The following RLN2 variants were observed in gnomAD, a reference collection of about 807,000 sequenced individuals.
RLN2 encodes the protein prorelaxin H2.
In RLN2, 10 loss-of-function variants were observed where a neutral mutation model predicts 7.3. That is an observed-to-expected ratio of 1.36 (90% CI 0.84 to 2.31). RLN2 has a LOEUF of 2.31. Among genes scored for constraint, RLN2 ranks in the 30% most tolerant of loss-of-function variants. The pLI is 0.00. For missense variants in RLN2, 298 were observed against 217.6 expected (o/e 1.37, Z -2.32); for synonymous variants, 103 against 82.3 (o/e 1.25, Z -1.36).
chr9:5,315,418 A>G, the RLN2 span, among the ~76,000 whole-genome samples: 1 of 151,844 alleles, frequency 6.6e-6, no homozygotes, highest in Admixed American at 6.6e-5. Flanking sequence ...GAAAAAAAAA[A>G]ACGAAAAGTG....
chr9:5,337,124 T>C, the RLN2 span, among the ~76,000 whole-genome samples: 7 of 152,090 alleles, frequency 4.6e-5, no homozygotes, highest in Non-Finnish European at 1.0e-4. Flanking sequence ...TGACAGGTTT[T>C]GGCATTTTCC....
At chr9:5,327,774 CT>C in the RLN2 span, among the ~76,000 whole-genome samples, 1 of 152,002 alleles carries the variant, frequency 6.6e-6, no homozygotes, top group Admixed American at 6.5e-5. Flanking sequence ...CAAATAGGTT[CT>C]AGAGTGGACT....
At chr9:5,332,072 A>C in the RLN2 span, among the ~76,000 whole-genome samples, 1 of 152,034 alleles carries the variant, frequency 6.6e-6, no homozygotes, top group African/African-American at 2.4e-5. Flanking sequence ...TAAAAAATTT[A>C]GTGTATACTC....
the RLN2 span, among the ~76,000 whole-genome samples, chr9:5,332,676 G>A: frequency 6.0e-5 from 9 of 150,920 alleles, no homozygotes; most frequent in African/African-American, 2.2e-4. Context: ...AAGCTGCAGT[G>A]CAATGGCGCA....
upstream of RLN2, among the ~76,000 whole-genome samples, chr9:5,309,288 C>T (rs550763873): frequency 4.6e-5 from 7 of 152,146 alleles, no homozygotes; most frequent in East Asian, 3.9e-4. Context: ...CTCTGCTCAG[C>T]GTTGATAGAA....
intron 1 of RLN2, among the ~76,000 whole-genome samples, chr9:5,302,765 C>CA (rs554721340): frequency 2.0e-5 from 3 of 151,948 alleles, no homozygotes; most frequent in African/African-American, 7.2e-5. Flanking sequence ...AGATTTATGA[C>CA]AAAAAATACT....
At chr9:5,333,488 C>G in the RLN2 span, among the ~76,000 whole-genome samples, 1 of 151,982 alleles carries the variant, frequency 6.6e-6, no homozygotes. Context: ...AGCTGAATCC[C>G]TGAATAGACA....
chr9:5,330,037 G>C, the RLN2 span, among the ~76,000 whole-genome samples: 4 of 151,918 alleles, frequency 2.6e-5, no homozygotes, highest in Non-Finnish European at 5.9e-5. Context: ...AAATGCAAAA[G>C]AACAGATATC....
chr9:5,321,031 G>A, the RLN2 span, among the ~76,000 whole-genome samples: 1 of 152,058 alleles, frequency 6.6e-6, no homozygotes. Flanking sequence ...ACAGTTCAAT[G>A]TGATTCATAC....
At chr9:5,335,469 G>T in the RLN2 span, 1 of 1,613,474 alleles carries the variant, frequency 6.2e-7, no homozygotes, top group Non-Finnish European at 8.5e-7. Flanking sequence ...GGTACATACT[G>T]CTGTAGCTCT....
the RLN2 span, among the ~76,000 whole-genome samples, chr9:5,333,287 A>C: frequency 1.2e-4 from 18 of 152,050 alleles, no homozygotes; most frequent in African/African-American, 4.3e-4. Context: ...CAACACTGAT[A>C]AAGAAGAAAA....
chr9:5,336,110 A>T, the RLN2 span, among the ~76,000 whole-genome samples: 2 of 152,058 alleles, frequency 1.3e-5, no homozygotes, highest in Admixed American at 1.3e-4. Context: ...TTAAAGAGGC[A>T]GCATTTCCAA....
upstream of RLN2, among the ~76,000 whole-genome samples, chr9:5,305,392 CACACACACACAGAGAG>C (rs910866978): frequency 5.6e-5 from 8 of 142,840 alleles, no homozygotes; most frequent in African/African-American, 2.3e-4. Flanking sequence ...CACACACACA[CACACACACACAGAGAG>C]AGAGAGAGAG....
At chr9:5,339,175 G>A in the RLN2 span, 1 of 195,346 alleles carries the variant, frequency 5.1e-6, no homozygotes. Flanking sequence ...GTGCAGGAGT[G>A]CGCCCGGCCT....
the RLN2 span, among the ~76,000 whole-genome samples, chr9:5,316,744 C>T: frequency 1.8e-4 from 27 of 152,010 alleles, 1 homozygote; most frequent in African/African-American, 4.8e-4. Flanking sequence ...AATAGTGCTG[C>T]GGTAAACATA....
the RLN2 span, among the ~76,000 whole-genome samples, chr9:5,329,708 C>G: frequency 3.3e-5 from 5 of 151,834 alleles, no homozygotes; most frequent in African/African-American, 1.2e-4. Flanking sequence ...AAGAAGAGCT[C>G]ACTATCCTAA....
the RLN2 span, among the ~76,000 whole-genome samples, chr9:5,315,570 G>A: frequency 6.6e-6 from 1 of 152,012 alleles, no homozygotes; most frequent in South Asian, 2.1e-4. Context: ...TTTTGAAAGA[G>A]ATTTGAACAT....
At chr9:5,317,959 T>A in the RLN2 span, among the ~76,000 whole-genome samples, 1 of 151,660 alleles carries the variant, frequency 6.6e-6, no homozygotes, top group African/African-American at 2.4e-5. Context: ...CGTACGACCC[T>A]TTTGGAAGAG....
At chr9:5,311,074 T>C in the RLN2 span, among the ~76,000 whole-genome samples, 3 of 152,010 alleles carry the variant, frequency 2.0e-5, no homozygotes, top group African/African-American at 7.3e-5. Flanking sequence ...CTCATCTGGC[T>C]GGAGAAAAAA....
Sources: gnomAD v4.1 joint callset for allele counts (sites outside exome capture counted in the v4.1 genomes callset) on GRCh38, gnomAD v4.1.1 for gene constraint, MANE v1.5 for transcripts, NCBI Gene and HGNC (gene_info 2026-07-23, HGNC 2026-07-21) for gene names.